The following RALYL variants were observed in gnomAD, a reference collection of about 807,000 sequenced individuals.
The protein encoded by RALYL is RALY RNA binding protein like.
RALYL carries 29 observed loss-of-function variants against 35.1 expected under a neutral mutation model. That is an observed-to-expected ratio of 0.83 (90% CI 0.61 to 1.13). The LOEUF is 1.13. Ranked by LOEUF, RALYL falls within the 50% of genes most tolerant of loss-of-function variation. The pLI is 0.00. For synonymous variants in RALYL, 120 were observed against 127.6 expected, an observed-to-expected ratio of 0.94 and a Z score of 0.40; for missense variants, 359 against 360.4, an observed-to-expected ratio of 1.00 and a Z score of 0.03.
At chr8:84,578,317 G>A (rs550924259) in intron 2 of RALYL, among the ~76,000 whole-genome samples, 2 of 152,352 alleles carry the variant, frequency 1.3e-5, no homozygotes. Flanking sequence ...GAAGCTTAGA[G>A]CTGCAACCAC....
chr8:84,563,950 G>C (rs1188146935), intron 2 of RALYL, among the ~76,000 whole-genome samples: 1 of 151,670 alleles, frequency 6.6e-6, no homozygotes, highest in Admixed American at 6.6e-5. Context: ...ATTTTTACAG[G>C]TATGTAAAAA....
chr8:84,451,488 C>G (rs1033745678), intron 1 of RALYL, among the ~76,000 whole-genome samples: 1 of 151,868 alleles, frequency 6.6e-6, no homozygotes, highest in African/African-American at 2.4e-5. Flanking sequence ...CATTTATATA[C>G]AGAATGTACA....
chr8:84,769,126 G>A (rs190006962), intron 2 of RALYL, among the ~76,000 whole-genome samples: 18 of 152,166 alleles, frequency 1.2e-4, no homozygotes, highest in Admixed American at 7.2e-4. Context: ...ATTTTCATGC[G>A]CATGTGCCCT....
chr8:84,919,180 A>G (rs1373737033), intron 8 of RALYL, among the ~76,000 whole-genome samples: 2 of 152,062 alleles, frequency 1.3e-5, no homozygotes, highest in Non-Finnish European at 2.9e-5. Context: ...AGCATTTTCC[A>G]TTTATAATAA....
Position 84,755,248 on chromosome 8 carries a change from T to C in RALYL, c.257-19331T>C, listed in dbSNP as rs1811094157. 1.3e-5 allele frequency among the ~76,000 whole-genome samples: 2 copies of C among 152,170 alleles called. 1 individual carries two copies. Among genetic ancestry groups the C allele is most frequent in the Non-Finnish European group, 2.9e-5 (2 of 68,030 alleles). Reference sequence around the variant, plus strand: ...AGCAGTCACATCTCCTAAAAACAGATGCTATGTCTCACAAACCAAATAGCA... The same window carrying C: ...AGCAGTCACATCTCCTAAAAACAGACGCTATGTCTCACAAACCAAATAGCA... On this transcript the variant is annotated intron_variant, in intron 2 of 8. Transcript: ENST00000521268.
At chr8:84,853,977 A>T (rs1401196282) in intron 5 of RALYL, among the ~76,000 whole-genome samples, 2 of 152,222 alleles carry the variant, frequency 1.3e-5, no homozygotes, top group South Asian at 4.1e-4. Flanking sequence ...ATGAGGTAAC[A>T]TAATGATCAG....
At chr8:84,845,143 T>A (rs1189010231) in intron 4 of RALYL, among the ~76,000 whole-genome samples, 4 of 152,074 alleles carry the variant, frequency 2.6e-5, no homozygotes, top group Admixed American at 1.3e-4. Context: ...AAATAAAAAA[T>A]TTAGTCACGT....
At chr8:84,842,673 A>G (rs1415890126) in intron 4 of RALYL, among the ~76,000 whole-genome samples, 1 of 152,160 alleles carries the variant, frequency 6.6e-6, no homozygotes, top group East Asian at 1.9e-4. Flanking sequence ...AGAAAAAGAG[A>G]ATTTTAGACC....
chr8:84,282,288 C>A (rs908412237), intron 1 of RALYL, among the ~76,000 whole-genome samples: 1 of 151,404 alleles, frequency 6.6e-6, no homozygotes, highest in African/African-American at 2.4e-5. Context: ...CCCTCTTTCT[C>A]ACTAGATTGT....
chr8:84,248,538 A>G (rs1829572741), intron 1 of RALYL, among the ~76,000 whole-genome samples: 1 of 152,084 alleles, frequency 6.6e-6, no homozygotes. Context: ...TGTTGCAAAT[A>G]TAGTCTGCTT....
At chr8:84,466,810 C>A (rs899384192) in intron 1 of RALYL, among the ~76,000 whole-genome samples, 16 of 151,624 alleles carry the variant, frequency 1.1e-4, no homozygotes, top group Non-Finnish European at 2.2e-4. Context: ...ATTATTGCCA[C>A]AATTTCAGCT....
chr8:84,298,345 G>T (rs1177119870), intron 1 of RALYL, among the ~76,000 whole-genome samples: 1 of 151,948 alleles, frequency 6.6e-6, no homozygotes, highest in Non-Finnish European at 1.5e-5. Flanking sequence ...GATGGTTTTA[G>T]GTGTGTGACC....
intron 1 of RALYL, among the ~76,000 whole-genome samples, chr8:84,266,877 G>A (rs1586652402): frequency 6.7e-6 from 1 of 150,288 alleles, no homozygotes; most frequent in Non-Finnish European, 1.5e-5. Context: ...GGAGAATGGC[G>A]TGAACCCGGG....
chr8:84,684,182 A>C (rs1456086462), intron 2 of RALYL, among the ~76,000 whole-genome samples: 1 of 152,216 alleles, frequency 6.6e-6, no homozygotes, highest in Non-Finnish European at 1.5e-5. Context: ...CTAACTTTGT[A>C]TGGAGTTGTT....
intron 2 of RALYL, among the ~76,000 whole-genome samples, chr8:84,662,810 A>G (rs1487224148): frequency 6.6e-6 from 1 of 152,104 alleles, no homozygotes; most frequent in East Asian, 1.9e-4. Context: ...TGCATATATA[A>G]TTTTTATTTA....
intron 2 of RALYL, among the ~76,000 whole-genome samples, chr8:84,618,467 A>G (rs1245648348): frequency 2.0e-5 from 3 of 148,218 alleles, no homozygotes; most frequent in Non-Finnish European, 3.0e-5. Flanking sequence ...TATTGCGTCT[A>G]TTTGATTCTT....
intron 2 of RALYL, among the ~76,000 whole-genome samples, chr8:84,556,098 A>C (rs1387599690): frequency 1.3e-5 from 2 of 152,200 alleles, no homozygotes; most frequent in Non-Finnish European, 2.9e-5. Flanking sequence ...GACAAATGAT[A>C]AAACAAAATA....
intron 1 of RALYL, among the ~76,000 whole-genome samples, chr8:84,223,166 CTCCCTTCCCT>C (rs11277780): frequency 0.088 from 7,399 of 83,668 alleles, 609 homozygotes; most frequent in Middle Eastern, 0.1. Context: ...TCTTTCCTTC[CTCCCTTCCCT>C]TCCCTTCCCT....
At chr8:84,878,184 C>T (rs1477338228) in intron 7 of RALYL, among the ~76,000 whole-genome samples, 1 of 152,112 alleles carries the variant, frequency 6.6e-6, no homozygotes, top group East Asian at 1.9e-4. Flanking sequence ...GAGAAGTTTC[C>T]TCTAGTGAAG....
Sources: gnomAD v4.1 joint callset for allele counts (sites outside exome capture counted in the v4.1 genomes callset) on GRCh38, gnomAD v4.1.1 for gene constraint, MANE v1.5 for transcripts, NCBI Gene and HGNC (gene_info 2026-07-23, HGNC 2026-07-21) for gene names.